LUZP2: variants seen among roughly 807,000 people sequenced by gnomAD.
LUZP2 encodes the protein leucine zipper protein 2.
A neutral mutation model predicts 51.6 loss-of-function variants in LUZP2; 52 were observed. The ratio of observed to expected loss-of-function variants is 1.01; its 90% confidence interval spans 0.81 to 1.27. The LOEUF (loss-of-function observed/expected upper bound fraction) is 1.27, where lower values mean the gene tolerates loss of function less well. Among genes scored for constraint, LUZP2 ranks in the 50% most tolerant of loss-of-function variants. The probability of loss-of-function intolerance (pLI) is 0.00; values close to 1 mark genes in which losing one functional copy is unlikely to be tolerated. For missense variants in LUZP2, 436 were observed against 395.4 expected (o/e 1.10, Z -0.87); for synonymous variants, 154 against 137.3 (o/e 1.12, Z -0.85).
chr11:24,795,705 G>A (rs1419063357), intron 5 of LUZP2, among the ~76,000 whole-genome samples: 1 of 152,034 alleles, frequency 6.6e-6, no homozygotes, highest in African/African-American at 2.4e-5. Context: ...TTTTTACGGT[G>A]TGCTTATGTA....
intron 1 of LUZP2, among the ~76,000 whole-genome samples, chr11:24,593,157 A>G (rs1853316343): frequency 6.6e-6 from 1 of 152,152 alleles, no homozygotes; most frequent in African/African-American, 2.4e-5. Flanking sequence ...GCCCATAAGT[A>G]AAAATCAACT....
chr11:24,769,498 G>A (rs1007188464), intron 5 of LUZP2, among the ~76,000 whole-genome samples: 1 of 152,052 alleles, frequency 6.6e-6, no homozygotes, highest in African/African-American at 2.4e-5. Flanking sequence ...CATTGCAGCT[G>A]ATAAATATGT....
At chr11:24,656,680 G>A (rs1175299986) in intron 1 of LUZP2, among the ~76,000 whole-genome samples, 1 of 152,124 alleles carries the variant, frequency 6.6e-6, no homozygotes, top group African/African-American at 2.4e-5. Context: ...GATGGAAGTT[G>A]GCTGAGTGCC....
intron 5 of LUZP2, among the ~76,000 whole-genome samples, chr11:24,814,652 G>T (rs1051658585): frequency 2.6e-5 from 4 of 152,146 alleles, no homozygotes; most frequent in African/African-American, 9.7e-5. Flanking sequence ...ATGCTCACAA[G>T]AAGATATTTA....
intron 1 of LUZP2, among the ~76,000 whole-genome samples, chr11:24,575,538 T>C (rs1489359404): frequency 6.6e-6 from 1 of 152,236 alleles, no homozygotes; most frequent in Non-Finnish European, 1.5e-5. Flanking sequence ...TCATGATTCC[T>C]GTGATATATT....
At chr11:25,070,220 C>G (rs1375329113) in intron 10 of LUZP2, among the ~76,000 whole-genome samples, 4 of 151,854 alleles carry the variant, frequency 2.6e-5, no homozygotes, top group Admixed American at 2.0e-4. Context: ...TTCACTTATC[C>G]TTTCACCTAA....
chr11:24,497,371 G>GACCCACAGTA, intron 1 of LUZP2, 66 bp downstream of exon 1: 1 of 1,268,432 alleles, frequency 7.9e-7, no homozygotes, highest in Non-Finnish European at 1.1e-6. Flanking sequence ...GTCCTACTGT[G>GACCCACAGTA]GGTCACCAGT....
At position 24,938,661 on chromosome 11, in the gene LUZP2, T is replaced by C. The variant is rs1309187435; in HGVS notation, c.522+24123T>C. On this transcript the variant is annotated intron_variant, in intron 7 of 11. Coordinates refer to ENST00000336930, the MANE Select transcript of LUZP2 (RefSeq NM_001009909.4). ...CTTCATGTATTAAATTTGTTTTTAA[T>C]TTAGATGGATTGAGGAAAATGATAC... Among the ~76,000 whole-genome samples, 9 of 152,312 alleles carry C rather than the reference T, an allele frequency of 5.9e-5. No individual in the cohort carries two copies. In the East Asian group the frequency reaches 1.5e-3, roughly 26 times the overall value.
At chr11:24,517,675 G>A (rs140480507) in intron 1 of LUZP2, among the ~76,000 whole-genome samples, 3 of 151,878 alleles carry the variant, frequency 2.0e-5, no homozygotes, top group East Asian at 3.9e-4. Context: ...ATAATCCATA[G>A]TTTGCTTTCT....
intron 5 of LUZP2, among the ~76,000 whole-genome samples, chr11:24,873,569 C>A (rs1049328915): frequency 3.9e-5 from 6 of 152,116 alleles, no homozygotes; most frequent in South Asian, 2.1e-4. Context: ...GCTTAGTGAA[C>A]CTTCTCTGAT....
chr11:24,951,975 G>C (rs1855092279), intron 7 of LUZP2, among the ~76,000 whole-genome samples: 1 of 151,542 alleles, frequency 6.6e-6, no homozygotes, highest in Admixed American at 6.6e-5. Context: ...CTGGCACATG[G>C]TAGATAATTG....
chr11:24,978,832 G>T (rs1188294567), intron 8 of LUZP2, among the ~76,000 whole-genome samples: 1 of 151,722 alleles, frequency 6.6e-6, no homozygotes, highest in African/African-American at 2.4e-5. Flanking sequence ...GAGTCACAGA[G>T]CTCAGGGTTA....
chr11:24,690,491 T>C (rs375845546), intron 1 of LUZP2, among the ~76,000 whole-genome samples: 3 of 152,154 alleles, frequency 2.0e-5, no homozygotes, highest in African/African-American at 7.2e-5. Context: ...TGTTCACATG[T>C]TCTTGGATTT....
intron 10 of LUZP2, among the ~76,000 whole-genome samples, chr11:25,070,980 A>T (rs943278588): frequency 6.6e-6 from 1 of 151,826 alleles, no homozygotes; most frequent in Non-Finnish European, 1.5e-5. Context: ...AGGGTCCAAA[A>T]ATTCCACAGA....
Position 24,705,302 on chromosome 11 carries a change from T to C in LUZP2, c.63-23867T>C, listed in dbSNP as rs117720790. On this transcript the variant is annotated intron_variant, in intron 1 of 11. Coordinates refer to ENST00000336930, the MANE Select transcript of LUZP2 (RefSeq NM_001009909.4). ...AATAGAAGGAGAAAGTAAGAGGATG[T>C]GTAGGGAAACATTTCAAAATCACCT... 4.9e-3 allele frequency among the ~76,000 whole-genome samples: 751 copies of C among 152,316 alleles called. 5 individuals are homozygous for C. Among genetic ancestry groups the C allele is most frequent in the Admixed American group, 7.0e-3 (107 of 15,296 alleles).
intron 1 of LUZP2, among the ~76,000 whole-genome samples, chr11:24,665,781 CT>C (rs1266355443): frequency 6.6e-6 from 1 of 152,146 alleles, no homozygotes; most frequent in Non-Finnish European, 1.5e-5. Context: ...ACCACCGCCC[CT>C]GACACCACGT....
intron 5 of LUZP2, among the ~76,000 whole-genome samples, chr11:24,888,454 A>T (rs1182059443): frequency 1.3e-5 from 2 of 152,096 alleles, no homozygotes; most frequent in Non-Finnish European, 2.9e-5. Flanking sequence ...CATATTGCAA[A>T]TATGATATTT....
At chr11:24,660,443 G>A (rs1855979273) in intron 1 of LUZP2, among the ~76,000 whole-genome samples, 1 of 152,092 alleles carries the variant, frequency 6.6e-6, no homozygotes, top group South Asian at 2.1e-4. Flanking sequence ...CTTTTACAAT[G>A]ACTTGTTTCT....
intron 2 of LUZP2, among the ~76,000 whole-genome samples, chr11:24,730,781 T>A (rs952050653): frequency 3.3e-5 from 5 of 151,822 alleles, no homozygotes; most frequent in African/African-American, 1.2e-4. Context: ...TATAACAGTC[T>A]AGAAAGTTGC....
Sources: gnomAD v4.1 joint callset for allele counts (sites outside exome capture counted in the v4.1 genomes callset) on GRCh38, gnomAD v4.1.1 for gene constraint, MANE v1.5 for transcripts, NCBI Gene and HGNC (gene_info 2026-07-23, HGNC 2026-07-21) for gene names.